The following PRICKLE2 variants were observed in gnomAD, a reference collection of about 807,000 sequenced individuals.
PRICKLE2 encodes the protein prickle-like protein 2.
PRICKLE2 carries 21 observed loss-of-function variants against 81.4 expected under a neutral mutation model. The observed-to-expected ratio is 0.26, with a 90% CI of 0.18 to 0.37. The LOEUF is 0.37. PRICKLE2 is among the 10% of genes least tolerant of loss of function. PRICKLE2 has a pLI of 1.00. For synonymous variants in PRICKLE2, 456 were observed against 421.5 expected, an observed-to-expected ratio of 1.08 and a Z score of -1.00; for missense variants, 940 against 1,109.0, an observed-to-expected ratio of 0.85 and a Z score of 2.16.
At chr3:64,211,770 C>T (rs1559582223) in intron 1 of PRICKLE2, among the ~76,000 whole-genome samples, 1 of 152,180 alleles carries the variant, frequency 6.6e-6, no homozygotes, top group Non-Finnish European at 1.5e-5. Flanking sequence ...CACTGTGCTA[C>T]AGAAGGTTCC....
chr3:64,121,468 A>G (rs1341128218), intron 7 of PRICKLE2, among the ~76,000 whole-genome samples: 2 of 151,976 alleles, frequency 1.3e-5, no homozygotes, highest in African/African-American at 4.8e-5. Flanking sequence ...AAATCCAAAC[A>G]TATCTGCTTA....
At chr3:64,167,720 T>C (rs1362285544) in intron 2 of PRICKLE2, among the ~76,000 whole-genome samples, 1 of 151,902 alleles carries the variant, frequency 6.6e-6, no homozygotes, top group Non-Finnish European at 1.5e-5. Flanking sequence ...AAAAGTAAGC[T>C]GATTTTTTTT....
chr3:64,239,177 C>A (rs561979995), intron 2 of PRICKLE2, among the ~76,000 whole-genome samples: 1 of 152,278 alleles, frequency 6.6e-6, no homozygotes, highest in African/African-American at 2.4e-5. Context: ...GAGGTAGCAG[C>A]CTCTGACTCA....
chr3:64,204,541 A>G lies in PRICKLE2; in HGVS notation c.-40-5574T>C, dbSNP rs71300703. Among the ~76,000 whole-genome samples the G allele has an allele frequency of 7.2e-3, 1,097 of 151,872 alleles. 4 individuals carry two copies. Among genetic ancestry groups the G allele is most frequent in the Non-Finnish European group, 0.011 (751 of 67,962 alleles). On this transcript the variant is annotated intron_variant, in intron 1 of 7. Coordinates refer to ENST00000638394, the MANE Select transcript of PRICKLE2 (RefSeq NM_198859.4). Reference sequence around the variant, plus strand: ...ATAGAAAATCTATCTGATTCCAACCACAGAATACCCTTTTACTTCTGAACA... The same window carrying G: ...ATAGAAAATCTATCTGATTCCAACCGCAGAATACCCTTTTACTTCTGAACA...
At chr3:64,253,485 G>T (rs975148946) in intron 2 of PRICKLE2, among the ~76,000 whole-genome samples, 1 of 152,106 alleles carries the variant, frequency 6.6e-6, no homozygotes, top group Non-Finnish European at 1.5e-5. Flanking sequence ...CCCTATTCTT[G>T]CATGTCACAT....
At chr3:64,107,769 CAGT>C (rs2076779664) in intron 7 of PRICKLE2, among the ~76,000 whole-genome samples, 1 of 152,200 alleles carries the variant, frequency 6.6e-6, no homozygotes, top group East Asian at 1.9e-4. Flanking sequence ...ATCACGGTTA[CAGT>C]GAGCTATGAT....
At chr3:64,135,010 G>C (rs1189836978) in intron 7 of PRICKLE2, among the ~76,000 whole-genome samples, 1 of 152,178 alleles carries the variant, frequency 6.6e-6, no homozygotes, top group African/African-American at 2.4e-5. Flanking sequence ...CTCACTCCTA[G>C]GCAGCAGAGT....
At chr3:64,110,871 AG>A (rs1439135928) in intron 7 of PRICKLE2, among the ~76,000 whole-genome samples, 2 of 148,190 alleles carry the variant, frequency 1.3e-5, no homozygotes, top group Non-Finnish European at 3.0e-5. Context: ...CTGAGGCAGG[AG>A]AATGGCGTGA....
intron 2 of PRICKLE2, among the ~76,000 whole-genome samples, chr3:64,180,192 G>A (rs566624075): frequency 6.6e-6 from 1 of 152,260 alleles, no homozygotes; most frequent in African/African-American, 2.4e-5. Context: ...TTTCCCCTTT[G>A]GTCTGTGCAA....
chr3:64,147,543 G>A lies in PRICKLE2; in HGVS notation c.947C>T (p.Pro316Leu). 1 of 1,614,244 alleles carries A rather than the reference G, an allele frequency of 6.2e-7. No individual in the cohort carries two copies. Among genetic ancestry groups the A allele is most frequent in the Non-Finnish European group, 8.5e-7 (1 of 1,180,050 alleles). The change falls in exon 7 of 8, where the codon CCC becomes CTC. Residue 316 changes from proline to leucine, a missense_variant. Physicochemically the swap from Pro to Leu is moderately conservative, Grantham distance 98. This residue lies in a region of PRICKLE2 where 670 missense variants were observed against 717.2 expected (regional missense o/e 0.93). Transcript: ENST00000638394. The surrounding 1 kb of genome is among the most constrained non-coding windows in gnomAD (Gnocchi z 5.0). ...GGAATCAGAGGAGTCAGAACCATTGGGGTCTTCCCCAGCACTGCAGGCCCG... is the reference window on the plus strand; with the variant it reads ...GGAATCAGAGGAGTCAGAACCATTGAGGTCTTCCCCAGCACTGCAGGCCCG... Reference protein sequence around the residue: ...CSRACSAGEDPNGSDSSDSAF... With the variant: ...CSRACSAGEDLNGSDSSDSAF...
At chr3:64,163,625 CTT>C in intron 2 of PRICKLE2, 1 of 181,238 alleles carries the variant, frequency 5.5e-6, no homozygotes, top group Non-Finnish European at 1.2e-5. Context: ...GGTTTCGAGA[CTT>C]TTGTAAGGCA....
chr3:64,226,200 T>C (rs1173997644), upstream of PRICKLE2, among the ~76,000 whole-genome samples: 2 of 152,180 alleles, frequency 1.3e-5, no homozygotes, highest in Non-Finnish European at 2.9e-5. Context: ...AGGACTTTTC[T>C]AAAGTCACAC....
intron 7 of PRICKLE2, among the ~76,000 whole-genome samples, chr3:64,124,734 G>C (rs1188136795): frequency 6.6e-6 from 1 of 152,160 alleles, no homozygotes; most frequent in African/African-American, 2.4e-5. Context: ...CCACTGTTGA[G>C]ACCTACTGTT....
intron 1 of PRICKLE2, among the ~76,000 whole-genome samples, chr3:64,224,442 C>T (rs1203181558): frequency 6.6e-6 from 1 of 152,146 alleles, no homozygotes; most frequent in African/African-American, 2.4e-5. Flanking sequence ...AATCTGAAAG[C>T]AGTGTCTAAA....
intron 1 of PRICKLE2, among the ~76,000 whole-genome samples, chr3:64,210,961 A>C (rs531641189): frequency 2.6e-5 from 4 of 152,322 alleles, no homozygotes; most frequent in African/African-American, 9.6e-5. Flanking sequence ...TAGGATGCCA[A>C]TAGAGTGTAA....
Position 64,092,836 on chromosome 3 carries a change from C to T in PRICKLE2, c.*6215G>A, listed in dbSNP as rs1446951575. 1 of 152,174 alleles carries T rather than the reference C, an allele frequency of 6.6e-6. No homozygotes were observed. Among genetic ancestry groups the T allele is most frequent in the Non-Finnish European group, 1.5e-5 (1 of 68,030 alleles). 9.4% of individuals were successfully genotyped at this position (152,174 alleles called of 1,614,324 possible). A position where few individuals can be genotyped will look rare whatever the true frequency, so the allele number is the denominator to read the frequency against. On this transcript the variant is annotated 3_prime_UTR_variant, in exon 8 of 8. Transcript: ENST00000638394. ...AAACCAGTGGTTCTCAACAGGGAGA[C>T]ATTGACAATGTGTGGAGACATTTTT... is the stretch of plus-strand genomic sequence containing the variant.
chr3:64,109,552 G>GAAGGGA (rs747578267), intron 7 of PRICKLE2, among the ~76,000 whole-genome samples: 1 of 151,986 alleles, frequency 6.6e-6, no homozygotes, highest in African/African-American at 2.4e-5. Context: ...CTGCACTGGG[G>GAAGGGA]AAGGGAAAGG....
intron 7 of PRICKLE2, among the ~76,000 whole-genome samples, chr3:64,132,790 T>C (rs2077216085): frequency 6.6e-6 from 1 of 152,190 alleles, no homozygotes; most frequent in Non-Finnish European, 1.5e-5. Context: ...AAATTGCTAC[T>C]CTAGAAACCC....
At chr3:64,149,149 GC>G (rs1451930351) in intron 6 of PRICKLE2, among the ~76,000 whole-genome samples, 1 of 152,188 alleles carries the variant, frequency 6.6e-6, no homozygotes, top group Non-Finnish European at 1.5e-5. Flanking sequence ...GCCTCCCACA[GC>G]CCCAGGGGTT....
Sources: gnomAD v4.1 joint callset for allele counts (sites outside exome capture counted in the v4.1 genomes callset) on GRCh38, gnomAD v4.1.1 for gene constraint, gnomAD v4.1.1 regional missense constraint, Gnocchi (gnomAD v3.1) non-coding constraint, MANE v1.5 for transcripts, NCBI Gene and HGNC (gene_info 2026-07-23, HGNC 2026-07-21) for gene names.